EPHB1: variants seen among roughly 807,000 people sequenced by gnomAD.
EPHB1 encodes the protein ephrin type-B receptor 1.
EPHB1 carries 30 observed loss-of-function variants against 94.4 expected under a neutral mutation model. The observed-to-expected ratio is 0.32, with a 90% CI of 0.24 to 0.43. The LOEUF (loss-of-function observed/expected upper bound fraction) is 0.43. EPHB1 is among the 20% of genes least tolerant of loss of function. EPHB1 has a pLI of 1.00. For synonymous variants in EPHB1, 522 were observed against 489.1 expected (o/e 1.07, Z -0.89); for missense variants, 1,055 against 1,308.3 (o/e 0.81, Z 2.99).
chr3:135,115,508 G>A (rs1240013099), intron 4 of EPHB1, among the ~76,000 whole-genome samples: 1 of 152,122 alleles, frequency 6.6e-6, no homozygotes, highest in Non-Finnish European at 1.5e-5. Flanking sequence ...GCTATTCAGA[G>A]CTATTCTGGT....
At chr3:135,136,613 A>G (rs555430598) in intron 5 of EPHB1, among the ~76,000 whole-genome samples, 1 of 152,336 alleles carries the variant, frequency 6.6e-6, no homozygotes, top group African/African-American at 2.4e-5. Flanking sequence ...GCACCTCCCT[A>G]GGCTGCAGAT....
At chr3:135,187,447 C>G (rs756057180) in intron 10 of EPHB1, among the ~76,000 whole-genome samples, 1 of 152,080 alleles carries the variant, frequency 6.6e-6, no homozygotes, top group Non-Finnish European at 1.5e-5. Context: ...GATGGCGAAT[C>G]GAAGTACCAC....
At chr3:135,246,089 G>A (rs1291756654) in intron 13 of EPHB1, among the ~76,000 whole-genome samples, 1 of 152,134 alleles carries the variant, frequency 6.6e-6, no homozygotes. Flanking sequence ...AGTATCTGGG[G>A]CTCTAGCATC....
intron 4 of EPHB1, among the ~76,000 whole-genome samples, chr3:135,120,630 C>A (rs1292770475): frequency 6.6e-6 from 1 of 152,200 alleles, no homozygotes; most frequent in Non-Finnish European, 1.5e-5. Flanking sequence ...AGTATACTTA[C>A]CTTTTTCAAT....
intron 1 of EPHB1, among the ~76,000 whole-genome samples, chr3:134,858,237 A>G (rs953373845): frequency 6.6e-6 from 1 of 151,844 alleles, no homozygotes; most frequent in African/African-American, 2.4e-5. Context: ...TTTGGGTGAT[A>G]TGCACTCCTT....
chr3:135,032,439 T>C lies in EPHB1; in HGVS notation c.806-74009T>C, dbSNP rs557656514. Among the ~76,000 whole-genome samples, 5 of 152,330 alleles carry C rather than the reference T, an allele frequency of 3.3e-5. No homozygotes were observed. In the South Asian group the frequency reaches 1.0e-3, roughly 32 times the overall value. ...CAATATTGTTCCATCTCTCTGAGGA[T>C]ATTTATTCTAGTTTTAGACATTTTC... On this transcript the variant is annotated intron_variant, in intron 3 of 15. Coordinates refer to ENST00000398015, the MANE Select transcript of EPHB1 (RefSeq NM_004441.5).
At chr3:135,197,944 T>C (rs762313432) in intron 11 of EPHB1, among the ~76,000 whole-genome samples, 1 of 152,178 alleles carries the variant, frequency 6.6e-6, no homozygotes, top group Non-Finnish European at 1.5e-5. Context: ...TCTTAATATG[T>C]TTTTATCTTT....
At chr3:135,242,549 A>C (rs1255091539) in intron 13 of EPHB1, among the ~76,000 whole-genome samples, 3 of 152,196 alleles carry the variant, frequency 2.0e-5, no homozygotes, top group South Asian at 2.1e-4. Flanking sequence ...TGCTATGGGC[A>C]GAGTGGCTCC....
At position 135,019,139 on chromosome 3, in the gene EPHB1, AC is replaced by A. The variant is rs1453256896; in HGVS notation, c.805+67091del. On this transcript the variant is annotated intron_variant, in intron 3 of 15. Transcript: ENST00000398015. ...GGAGGCCCCACACCCCATACCTCAG[AC>A]CCCGAGCCTTTAGCACCAGCACAGG... is the stretch of plus-strand genomic sequence containing the variant. 4.6e-5 allele frequency among the ~76,000 whole-genome samples: 7 copies of A among 152,028 alleles called. No homozygotes were observed. In the South Asian group the frequency reaches 1.5e-3, roughly 32 times the overall value.
chr3:135,154,423 C>T (rs1213653184), intron 6 of EPHB1, 147 bp downstream of exon 6: 4 of 1,120,008 alleles, frequency 3.6e-6, no homozygotes, highest in Non-Finnish European at 5.0e-6. Flanking sequence ...GGAGAGTTCT[C>T]CAGGTCTGCC....
chr3:134,806,256 G>A (rs1415164311), intron 1 of EPHB1, among the ~76,000 whole-genome samples: 1 of 152,206 alleles, frequency 6.6e-6, no homozygotes, highest in Non-Finnish European at 1.5e-5. Context: ...ACTTTGGAGT[G>A]AAGTCATAGA....
intron 6 of EPHB1, among the ~76,000 whole-genome samples, chr3:135,159,635 TG>T (rs1222215572): frequency 1.3e-5 from 2 of 152,112 alleles, no homozygotes; most frequent in African/African-American, 4.8e-5. Context: ...AATCCCTGAG[TG>T]GGGGTGGGGA....
intron 1 of EPHB1, among the ~76,000 whole-genome samples, chr3:134,901,380 A>AT (rs1410252252): frequency 6.6e-6 from 1 of 152,052 alleles, no homozygotes; most frequent in Non-Finnish European, 1.5e-5. Context: ...CATTTAATTT[A>AT]TTTGTTGGAT....
intron 3 of EPHB1, among the ~76,000 whole-genome samples, chr3:135,024,633 T>C (rs984271225): frequency 1.3e-5 from 2 of 152,206 alleles, no homozygotes; most frequent in Non-Finnish European, 2.9e-5. Context: ...GGGCCCACTT[T>C]GGAAATGGCA....
At chr3:135,051,765 T>G (rs979428595) in intron 3 of EPHB1, among the ~76,000 whole-genome samples, 4 of 152,320 alleles carry the variant, frequency 2.6e-5, no homozygotes, top group Middle Eastern at 3.4e-3. Context: ...CCATGCCTCC[T>G]GTCAGGAAGT....
At chr3:135,012,021 A>G (rs1935636209) in intron 3 of EPHB1, among the ~76,000 whole-genome samples, 2 of 152,136 alleles carry the variant, frequency 1.3e-5, no homozygotes, top group South Asian at 4.1e-4. Flanking sequence ...CCTTTTGGCT[A>G]TTCCATGCCA....
chr3:135,253,545 G>A (rs957666886), intron 15 of EPHB1, among the ~76,000 whole-genome samples: 1 of 151,478 alleles, frequency 6.6e-6, no homozygotes, highest in African/African-American at 2.4e-5. Flanking sequence ...TTATTTCTGA[G>A]GGCTCTGTTC....
intron 3 of EPHB1, among the ~76,000 whole-genome samples, chr3:134,965,638 T>C (rs1933712406): frequency 6.6e-6 from 1 of 152,202 alleles, no homozygotes; most frequent in African/African-American, 2.4e-5. Context: ...GAGATTGATT[T>C]TTTCAGTCAT....
chr3:135,144,027 G>A (rs983136858), intron 5 of EPHB1, among the ~76,000 whole-genome samples: 3 of 152,082 alleles, frequency 2.0e-5, no homozygotes, highest in African/African-American at 7.2e-5. Flanking sequence ...AGTGCACAAG[G>A]GGTCCCAGAA....
Sources: gnomAD v4.1 joint callset for allele counts (sites outside exome capture counted in the v4.1 genomes callset) on GRCh38, gnomAD v4.1.1 for gene constraint, MANE v1.5 for transcripts, NCBI Gene and HGNC (gene_info 2026-07-23, HGNC 2026-07-21) for gene names.